CPNE7: variants seen among roughly 807,000 people sequenced by gnomAD.
The protein encoded by CPNE7 is copine-7.
Under a neutral mutation model 66.5 loss-of-function variants are expected in CPNE7, and 78 were observed. The ratio of observed to expected loss-of-function variants is 1.17; its 90% CI spans 0.98 to 1.42. The LOEUF (loss-of-function observed/expected upper bound fraction) is 1.42, where lower values mean the gene tolerates loss of function less well. Ranked by LOEUF, CPNE7 falls within the 40% of genes most tolerant of loss-of-function variation. The pLI is 0.00. For missense variants in CPNE7, 1,012 were observed against 776.6 expected (o/e 1.30, Z -3.60); for synonymous variants, 468 against 336.7 (o/e 1.39, Z -4.27).
intron 9 of CPNE7, 53 bp downstream of exon 9, chr16:89,587,155 G>GTCTGTGGCCCCGCCCAT: frequency 1.8e-6 from 1 of 554,918 alleles, no homozygotes; most frequent in African/African-American, 6.3e-5. Flanking sequence ...GCCCCGCCCC[G>GTCTGTGGCCCCGCCCAT]CCCCGCCCCC....
Position 89,584,194 on chromosome 16 carries a change from C to T in CPNE7, c.507+92C>T, listed in dbSNP as rs777382379. 63 of 1,323,110 alleles carry T rather than the reference C, an allele frequency of 4.8e-5. No homozygotes were observed. The highest frequency in any genetic ancestry group is 6.5e-5 in the Non-Finnish European group (62 of 955,238). The allele number at this position is 1,323,110 out of a possible 1,614,324, so 82.0% of individuals were successfully genotyped here. Reference sequence around the variant, plus strand: ...CCTGCCCAGCGCTGACCTCGCGTGGCTATGTCCCGTGTGAGACGTGTGCGG... The same window carrying T: ...CCTGCCCAGCGCTGACCTCGCGTGGTTATGTCCCGTGTGAGACGTGTGCGG... On this transcript the variant is annotated intron_variant, in intron 4 of 14. Transcript: ENST00000319518. The surrounding 1 kb of genome is among the most constrained non-coding windows in gnomAD (Gnocchi z 6.0).
At chr16:89,593,906 C>T (rs771184446) in intron 13 of CPNE7, among the ~76,000 whole-genome samples, 1 of 152,148 alleles carries the variant, frequency 6.6e-6, no homozygotes, top group South Asian at 2.1e-4. Flanking sequence ...GGGTCTCAGA[C>T]GGTTTCATCT....
At chr16:89,592,906 G>A (rs577375696) in intron 13 of CPNE7, among the ~76,000 whole-genome samples, 2 of 137,428 alleles carry the variant, frequency 1.5e-5, no homozygotes, top group Non-Finnish European at 3.0e-5. Context: ...TCCGCCTCCC[G>A]GGTTCACGCC....
At chr16:89,590,063 T>A in intron 11 of CPNE7, 112 bp downstream of exon 11, 1 of 1,231,826 alleles carries the variant, frequency 8.1e-7, no homozygotes, top group Non-Finnish European at 1.2e-6. Context: ...CCGGAGACTG[T>A]AGGATGGGAT....
chr16:89,591,439 G>A (rs1038302756), intron 13 of CPNE7, among the ~76,000 whole-genome samples, 179 bp downstream of exon 13: 4 of 152,216 alleles, frequency 2.6e-5, no homozygotes, highest in Non-Finnish European at 4.4e-5. Context: ...AAAGGTGCAG[G>A]TGTCTCGGGC....
intron 2 of CPNE7, among the ~76,000 whole-genome samples, chr16:89,578,494 T>G (rs1455379805): frequency 6.6e-6 from 1 of 152,064 alleles, no homozygotes; most frequent in Admixed American, 6.6e-5. Context: ...CCGTGGTGGC[T>G]CACACCTGTG....
rs373905421 is a variant in CPNE7 at position 89,577,680 on chromosome 16, G to A, written c.316G>A (p.Glu106Lys). The change falls in exon 2 of 15, where the codon GAG becomes AAG. Residue 106 changes from glutamate to lysine, a missense_variant. Physicochemically the swap from Glu to Lys is moderately conservative, Grantham distance 56 (BLOSUM62 1). Coordinates refer to ENST00000319518, the MANE Select transcript of CPNE7 (RefSeq NM_153636.3). ...THGPSGFSCQ[E>K]DDFLGGMECT... is the part of the protein sequence containing the mutation. ...TGGGCCCAGCGGCTTCAGCTGTCAG[G>A]AGGACGATTTCCTGGGGGGCATGGA... is the stretch of plus-strand genomic sequence containing the variant. The A allele has an allele frequency of 6.9e-6, 11 of 1,601,294 alleles. No homozygotes were observed. In the African/African-American group the frequency reaches 1.5e-4, roughly 21 times the overall value.
At chr16:89,595,894 T>A in intron 14 of CPNE7, 1 of 581,582 alleles carries the variant, frequency 1.7e-6, no homozygotes, top group Non-Finnish European at 3.3e-6. Context: ...TGCCAACCTC[T>A]GCGACCCGGC....
chr16:89,575,878 G>A lies in CPNE7; in HGVS notation c.-20G>A, dbSNP rs1597686675. ...AGCGGCCCCTCAGTGCGCCCAGCCG[G>A]GCCCCCGAACGCCGGGAGCATGAGC... On this transcript the variant is annotated 5_prime_UTR_variant, in exon 1 of 15. Transcript: ENST00000319518. 1 of 1,204,824 alleles carries A rather than the reference G, an allele frequency of 8.3e-7. No individual in the cohort carries two copies. The highest frequency in any genetic ancestry group is 4.0e-5 in the South Asian group (1 of 24,866). The allele number at this position is 1,204,824 out of a possible 1,614,324, so 74.6% of individuals were successfully genotyped here.
chr16:89,591,187 C>A lies in CPNE7; in HGVS notation c.1229C>A (p.Pro410His). The A allele has an allele frequency of 6.2e-7, 1 of 1,601,158 alleles. No homozygotes were observed. The highest frequency in any genetic ancestry group is 2.3e-5 in the East Asian group (1 of 44,404). ...CTGCCCAGGGTCCAGCTCTACGGCCCCACCAACGTGGCGCCCATCATCTCC... is the reference window on the plus strand; with the variant it reads ...CTGCCCAGGGTCCAGCTCTACGGCCACACCAACGTGGCGCCCATCATCTCC... Reference protein sequence around the residue: ...NCLPRVQLYGPTNVAPIISKV... With the variant: ...NCLPRVQLYGHTNVAPIISKV... Residue 410 changes from proline to histidine, a missense_variant, in exon 13 of 15, where the codon CCC becomes CAC. By Grantham distance (77) the Pro-to-His change is moderately conservative. Transcript: ENST00000319518.
chr16:89,587,190 C>T (rs1211423092), intron 9 of CPNE7, 88 bp downstream of exon 9: 17 of 518,342 alleles, frequency 3.3e-5, no homozygotes, highest in South Asian at 1.1e-4. Flanking sequence ...CGCCCCTCCC[C>T]GCCCCCTCAG....
rs367790684 is a variant in CPNE7 at position 89,588,283 on chromosome 16, C to T, written c.928-392C>T. Among the ~76,000 whole-genome samples the T allele has an allele frequency of 8.5e-5, 13 of 152,284 alleles. No individual in the cohort carries two copies. The South Asian group carries it at 2.5e-3, about 29-fold the overall frequency. Reference sequence around the variant, plus strand: ...ATGCGCTGGTTCGTGTTTTGTTGAACGAGCCCCAGAATGGCTTTGGGAGAA... The same window carrying T: ...ATGCGCTGGTTCGTGTTTTGTTGAATGAGCCCCAGAATGGCTTTGGGAGAA... On this transcript the variant is annotated intron_variant, in intron 9 of 14. Transcript: ENST00000319518.
At chr16:89,583,950 A>T in intron 3 of CPNE7, 78 bp from the exon 4 acceptor site, 1 of 1,560,476 alleles carries the variant, frequency 6.4e-7, no homozygotes, top group Non-Finnish European at 8.7e-7. Flanking sequence ...GGGGTCAGCC[A>T]GCCTGGGGCC....
Position 89,583,612 on chromosome 16 carries a change from G to C in CPNE7, c.358-85G>C, listed in dbSNP as rs547569560. 3.1e-6 allele frequency: 5 copies of C among 1,607,544 alleles called. No individual in the cohort carries two copies. The East Asian group carries it at 1.1e-4, about 36-fold the overall frequency. ...GGATGGGGAGACAGGACAGGCCTGAGAGTCCGGGTGAGGGCGCGGTGGGGT... is the reference window on the plus strand; with the variant it reads ...GGATGGGGAGACAGGACAGGCCTGACAGTCCGGGTGAGGGCGCGGTGGGGT... On this transcript the variant is annotated intron_variant, in intron 2 of 14. Transcript: ENST00000319518.
rs2059187088 is a variant in CPNE7 at position 89,592,364 on chromosome 16, A to G, written c.1302+1104A>G. Among the ~76,000 whole-genome samples the G allele has an allele frequency of 1.3e-5, 2 of 151,404 alleles. 1 individual carries two copies. The highest frequency in any genetic ancestry group is 1.3e-4 in the Admixed American group (2 of 15,190). ...AGTTACAAGAGCTCTGAGGTCCTGC[A>G]ACCCGTGAGGCCAACAGCTGCTCAC... On this transcript the variant is annotated intron_variant, in intron 13 of 14. Coordinates refer to ENST00000319518, the MANE Select transcript of CPNE7 (RefSeq NM_153636.3).
intron 13 of CPNE7, among the ~76,000 whole-genome samples, chr16:89,592,512 G>A (rs1191916963): frequency 1.4e-5 from 2 of 145,702 alleles, no homozygotes; most frequent in African/African-American, 5.1e-5. Flanking sequence ...GTGCAATCTC[G>A]GCTCACTGCA....
At position 89,583,756 on chromosome 16, in the gene CPNE7, C is replaced by T. The variant is rs2058992515; in HGVS notation, c.417C>T (p.Gly139=). 1 of 1,612,724 alleles carries T rather than the reference C, an allele frequency of 6.2e-7. No individual in the cohort carries two copies. The highest frequency in any genetic ancestry group is 8.5e-7 in the Non-Finnish European group (1 of 1,179,918). The change falls in exon 3 of 15, where the codon GGC becomes GGT. Residue 139 remains glycine, a synonymous_variant. Coordinates refer to ENST00000319518, the MANE Select transcript of CPNE7 (RefSeq NM_153636.3). ...PLLLKFGRNA[G]KSTITVIAED... is the part of the protein sequence containing the mutation. ...TGCTCAAGTTTGGCAGGAACGCTGG[C>T]AAGTCCACCATCACGGTGAGACCCG...
chr16:89,585,409 C>T (rs137959554), intron 5 of CPNE7, 55 bp from the exon 6 acceptor site: 1 of 1,287,958 alleles, frequency 7.8e-7, no homozygotes, highest in South Asian at 1.2e-5. Context: ...CTCTATCCCC[C>T]CCAAGGATCC....
At position 89,583,681 on chromosome 16, in the gene CPNE7, C is replaced by T. The variant is rs191828877; in HGVS notation, c.358-16C>T. The T allele has an allele frequency of 7.0e-4, 1,124 of 1,612,684 alleles. 2 individuals carry two copies. The highest frequency in any genetic ancestry group is 9.7e-4 in the Admixed American group (58 of 60,016). ...TCCCCGCCTGCCCCTCCCTGCCTGA[C>T]GCCTCTGACTTACAGATTGTGGCCC... On this transcript the variant is annotated splice_polypyrimidine_tract_variant and intron_variant, in intron 2 of 14. Coordinates refer to ENST00000319518, the MANE Select transcript of CPNE7 (RefSeq NM_153636.3).
Sources: allele counts gnomAD v4.1 joint callset (sites outside exome capture counted in the v4.1 genomes callset), GRCh38; gene constraint gnomAD v4.1.1; non-coding constraint Gnocchi (gnomAD v3.1); transcripts MANE v1.5; gene names NCBI Gene and HGNC (gene_info 2026-07-23, HGNC 2026-07-21).